The following VCAN variants were observed in gnomAD, a reference collection of about 807,000 sequenced individuals.
VCAN encodes versican core protein.
VCAN carries 44 observed loss-of-function variants against 245.5 expected under a neutral mutation model. That is an observed-to-expected ratio of 0.18 (90% CI 0.14 to 0.23). The LOEUF (loss-of-function observed/expected upper bound fraction) is 0.23. VCAN is among the 10% of genes least tolerant of loss of function. VCAN has a pLI of 1.00. For missense variants in VCAN, 3,793 were observed against 4,057.9 expected (o/e 0.93, Z 1.77); for synonymous variants, 1,413 against 1,437.0 (o/e 0.98, Z 0.38).
At position 83,499,532 on chromosome 5, in the gene VCAN, C is replaced by A. The variant is rs1412227128; in HGVS notation, c.748+5601C>A. Among the ~76,000 whole-genome samples the A allele has an allele frequency of 1.4e-4, 22 of 152,116 alleles. 2 individuals are homozygous for A. The highest frequency in any genetic ancestry group is 1.4e-3 in the Admixed American group (22 of 15,272). On this transcript the variant is annotated intron_variant, in intron 5 of 14. Coordinates refer to ENST00000265077, the MANE Select transcript of VCAN (RefSeq NM_004385.5). ...CTTTATTTACCAAATTCAAAAAGATCTACTTTTTACCATTATTTAATCACC... is the reference window on the plus strand; with the variant it reads ...CTTTATTTACCAAATTCAAAAAGATATACTTTTTACCATTATTTAATCACC...
intron 10 of VCAN, among the ~76,000 whole-genome samples, chr5:83,549,861 G>T (rs1278861246): frequency 1.3e-5 from 2 of 152,066 alleles, no homozygotes; most frequent in Non-Finnish European, 2.9e-5. Context: ...CCTCTTTTCA[G>T]GTTGCCTAAG....
At chr5:83,576,603 G>T (rs536171766) in intron 13 of VCAN, among the ~76,000 whole-genome samples, 25 of 152,160 alleles carry the variant, frequency 1.6e-4, no homozygotes, top group Admixed American at 1.4e-3. Context: ...AAGTTGCTGA[G>T]TCATAGGATA....
chr5:83,515,926 TA>T (rs1254118490), intron 6 of VCAN, among the ~76,000 whole-genome samples: 1 of 152,196 alleles, frequency 6.6e-6, no homozygotes, highest in East Asian at 1.9e-4. Context: ...ATCACTCATA[TA>T]ACTTTAAAAA....
chr5:83,475,602 G>A (rs1006024095), intron 1 of VCAN, among the ~76,000 whole-genome samples: 4 of 152,192 alleles, frequency 2.6e-5, no homozygotes, highest in African/African-American at 9.7e-5. Context: ...AATGTTAAGA[G>A]CAGTACATCA....
rs201689008 is a variant in VCAN at position 83,490,401 on chromosome 5, C to T, written c.374C>T (p.Ala125Val). The T allele has an allele frequency of 1.2e-5, 20 of 1,614,168 alleles. No homozygotes were observed. Among genetic ancestry groups the T allele is most frequent in the Admixed American group, 5.0e-5 (3 of 60,024 alleles). ...LTVVKLLASD[A>V]GLYRCDVMYG... ...GTGGTCAAGCTGCTGGCAAGTGATG[C>T]GGGTCTTTACCGCTGTGACGTCATG... The change falls in exon 3 of 15, where the codon GCG becomes GTG. Residue 125 changes from alanine to valine, a missense_variant. Physicochemically the swap from Ala to Val is moderately conservative, Grantham distance 64 (BLOSUM62 0). This residue lies in a region of VCAN where 179 missense variants were observed against 169.7 expected (regional missense o/e 1.05). Coordinates refer to ENST00000265077, the MANE Select transcript of VCAN (RefSeq NM_004385.5).
Position 83,541,088 on chromosome 5 carries a change from T to G in VCAN, c.8085T>G (p.Ile2695Met). 6.2e-7 allele frequency: 1 copy of G among 1,614,030 alleles called. No homozygotes were observed. Among genetic ancestry groups the G allele is most frequent in the East Asian group, 2.2e-5 (1 of 44,858 alleles). The change falls in exon 8 of 15, where the codon ATT (isoleucine) becomes ATG (methionine). Residue 2695 changes from isoleucine (I) to methionine (M), a missense_variant. By Grantham distance (10) the Ile-to-Met change is conservative. This residue lies in a region of VCAN where 3,182 missense variants were observed against 3,250.3 expected (regional missense o/e 0.98). Coordinates refer to ENST00000265077, the MANE Select transcript of VCAN (RefSeq NM_004385.5). ...VLLPTATSLP[I>M]PRKSATVIPE... ...TTCCCACGGCAACATCCCTGCCAAT[T>G]CCTCGTAAGTCTGCCACAGTTATTC...
At chr5:83,532,741 A>C (rs1035934939) in intron 7 of VCAN, among the ~76,000 whole-genome samples, 2 of 152,094 alleles carry the variant, frequency 1.3e-5, no homozygotes, top group African/African-American at 4.8e-5. Context: ...ACCATTTGCA[A>C]GTTGTCGCGA....
chr5:83,574,485 T>G (rs564786485), intron 13 of VCAN, among the ~76,000 whole-genome samples: 2 of 152,230 alleles, frequency 1.3e-5, no homozygotes, highest in South Asian at 4.1e-4. Flanking sequence ...AAAAATGCAC[T>G]AATCCCTTCC....
Position 83,553,372 on chromosome 5 carries a change from A to G in VCAN, c.9502A>G (p.Thr3168Ala), listed in dbSNP as rs752816468. 1.2e-6 allele frequency: 2 copies of G among 1,614,012 alleles called. No individual in the cohort carries two copies. The highest frequency in any genetic ancestry group is 1.1e-5 in the South Asian group (1 of 91,070). Residue 3168 changes from threonine to alanine, a missense_variant, in exon 11 of 15, where the codon ACA (threonine) becomes GCA (alanine). By Grantham distance (58) the Thr-to-Ala change is moderately conservative. Coordinates refer to ENST00000265077, the MANE Select transcript of VCAN (RefSeq NM_004385.5). ...VGALCEQDTE[T>A]CDYGWHKFQG... Reference sequence around the variant, plus strand: ...TGCCTGTTTCTTCTCAGATACCGAGACATGTGACTATGGCTGGCACAAATT... The same window carrying G: ...TGCCTGTTTCTTCTCAGATACCGAGGCATGTGACTATGGCTGGCACAAATT...
chr5:83,484,753 G>A (rs1387822646), intron 2 of VCAN, among the ~76,000 whole-genome samples: 2 of 152,136 alleles, frequency 1.3e-5, no homozygotes, highest in Non-Finnish European at 2.9e-5. Context: ...AACAATCCAG[G>A]TACTTTCAAA....
In VCAN at chr5:83,537,094, T is replaced by G. The variant is rs1162195038; in HGVS notation, c.4091T>G (p.Val1364Gly). Residue 1364 changes from valine (V) to glycine (G), a missense_variant, in exon 8 of 15, where the codon GTG becomes GGG. Transcript: ENST00000265077. ...CCTTGTAGTGAAGAAACAGATCCAG[T>G]GCATGATCTAATGGCTGAAATTTTA... is the stretch of plus-strand genomic sequence containing the variant. ...DEPCSEETDP[V>G]HDLMAEILPE... The G allele has an allele frequency of 6.2e-7, 1 of 1,613,712 alleles. No homozygotes were observed. Among genetic ancestry groups the G allele is most frequent in the East Asian group, 2.2e-5 (1 of 44,872 alleles).
At chr5:83,564,681 GTT>G (rs71605860) in intron 12 of VCAN, among the ~76,000 whole-genome samples, 1 of 102,980 alleles carries the variant, frequency 9.7e-6, no homozygotes, top group African/African-American at 2.8e-5. Flanking sequence ...TTTTTTAGAT[GTT>G]TTTTTTTTTT....
intron 12 of VCAN, among the ~76,000 whole-genome samples, chr5:83,566,209 C>T (rs1748073497): frequency 6.6e-6 from 1 of 152,078 alleles, no homozygotes; most frequent in Non-Finnish European, 1.5e-5. Flanking sequence ...GATCCAACTG[C>T]CTCAGCCTCC....
At chr5:83,504,887 C>T (rs973534721) in intron 5 of VCAN, among the ~76,000 whole-genome samples, 13 of 152,132 alleles carry the variant, frequency 8.5e-5, no homozygotes, top group African/African-American at 2.4e-4. Context: ...GCCTCAGAAT[C>T]GTGGCGGGAG....
chr5:83,576,818 T>C (rs1748501234), intron 13 of VCAN, among the ~76,000 whole-genome samples: 1 of 152,194 alleles, frequency 6.6e-6, no homozygotes, highest in South Asian at 2.1e-4. Context: ...TTGATACGTC[T>C]CTCTGAATAT....
rs370721609 is a variant in VCAN at position 83,521,381 on chromosome 5, A to G, written c.3075A>G (p.Lys1025=). Reference sequence around the variant, plus strand: ...CTCCAGAAACTATGAGAACAACAAAAATCACAGAGGGAACAACTCAGGAAG... The same window carrying G: ...CTCCAGAAACTATGAGAACAACAAAGATCACAGAGGGAACAACTCAGGAAG... ...TISPETMRTT[K]ITEGTTQEEF... The change falls in exon 7 of 15, where the codon AAA becomes AAG. Residue 1025 remains lysine, a synonymous_variant. Transcript: ENST00000265077. 1.7e-5 allele frequency: 28 copies of G among 1,614,142 alleles called. No homozygotes were observed. Among genetic ancestry groups the G allele is most frequent in the Non-Finnish European group, 2.3e-5 (27 of 1,180,006 alleles).
intron 13 of VCAN, among the ~76,000 whole-genome samples, chr5:83,579,705 G>A (rs1353081454): frequency 6.6e-6 from 1 of 152,070 alleles, no homozygotes; most frequent in African/African-American, 2.4e-5. Flanking sequence ...TCAGAATAGT[G>A]GCCCTTCCAG....
Position 83,521,037 on chromosome 5 carries a change from A to G in VCAN, c.2731A>G (p.Ser911Gly). 1 of 1,613,938 alleles carries G rather than the reference A, an allele frequency of 6.2e-7. No individual in the cohort carries two copies. Among genetic ancestry groups the G allele is most frequent in the Non-Finnish European group, 8.5e-7 (1 of 1,179,954 alleles). Residue 911 changes from serine to glycine, a missense_variant, in exon 7 of 15, where the codon AGC becomes GGC. Coordinates refer to ENST00000265077, the MANE Select transcript of VCAN (RefSeq NM_004385.5). ...TTEEKVPPIT[S>G]TEGQVYATME... Reference sequence around the variant, plus strand: ...TGAAGAAAAAGTTCCACCTATCACAAGCACTGAAGGCCAAGTTTATGCAAC... The same window carrying G: ...TGAAGAAAAAGTTCCACCTATCACAGGCACTGAAGGCCAAGTTTATGCAAC...
chr5:83,564,683 T>G (rs1748007192), intron 12 of VCAN, among the ~76,000 whole-genome samples: 1 of 149,396 alleles, frequency 6.7e-6, no homozygotes, highest in Non-Finnish European at 1.5e-5. Context: ...TTTTAGATGT[T>G]TTTTTTTTTT....
Sources: gnomAD v4.1 joint callset for allele counts (sites outside exome capture counted in the v4.1 genomes callset) on GRCh38, gnomAD v4.1.1 for gene constraint, gnomAD v4.1.1 regional missense constraint, MANE v1.5 for transcripts, NCBI Gene and HGNC (gene_info 2026-07-23, HGNC 2026-07-21) for gene names.